NINL: variants seen among roughly 807,000 people sequenced by gnomAD.
The protein encoded by NINL is ninein-like protein.
A neutral mutation model predicts 160.3 loss-of-function variants in NINL; 153 were observed. The ratio of observed to expected loss-of-function variants is 0.95; its 90% CI spans 0.84 to 1.09. The LOEUF (loss-of-function observed/expected upper bound fraction) is 1.09, where lower values mean the gene tolerates loss of function less well. NINL is among the 50% of genes least tolerant of loss of function. The pLI is 0.00. For missense variants in NINL, 1,829 were observed against 1,764.0 expected, an observed-to-expected ratio of 1.04 and a Z score of -0.66; for synonymous variants, 800 against 734.8, an observed-to-expected ratio of 1.09 and a Z score of -1.43.
chr20:25,529,594 C>A (rs552643232), intron 1 of NINL, among the ~76,000 whole-genome samples: 156 of 152,190 alleles, frequency 1.0e-3, no homozygotes, highest in Non-Finnish European at 1.8e-3. Context: ...GAGATGGTAA[C>A]AATGAAAATG....
intron 1 of NINL, among the ~76,000 whole-genome samples, chr20:25,571,477 A>G (rs565872368): frequency 6.6e-6 from 1 of 152,318 alleles, no homozygotes; most frequent in South Asian, 2.1e-4. Flanking sequence ...CTGAGTACAC[A>G]GTGACAGGGC....
intron 19 of NINL, 181 bp from the exon 20 acceptor site, chr20:25,462,722 A>C: frequency 1.8e-6 from 1 of 552,898 alleles, no homozygotes; most frequent in Admixed American, 3.2e-5. Context: ...TGGCACATTC[A>C]TGGTTCACTG....
intron 2 of NINL, among the ~76,000 whole-genome samples, chr20:25,518,459 C>CTT (rs1301970935): frequency 3.3e-5 from 5 of 152,166 alleles, no homozygotes; most frequent in Middle Eastern, 3.2e-3. Context: ...AGCTTTTCAC[C>CTT]TTAAGGTCCA....
intron 7 of NINL, 92 bp from the exon 8 acceptor site, chr20:25,501,102 T>TCAGAGGGCCTCA: frequency 1.4e-6 from 2 of 1,462,760 alleles, no homozygotes; most frequent in Non-Finnish European, 1.8e-6. Context: ...CAGCCTGTGC[T>TCAGAGGGCCTCA]CAGAGGGCCT....
intron 1 of NINL, among the ~76,000 whole-genome samples, chr20:25,570,739 G>A (rs1328199314): frequency 9.5e-6 from 1 of 105,552 alleles, no homozygotes; most frequent in Admixed American, 1.6e-4. Flanking sequence ...TGCTCACTCT[G>A]TCACACAGGC....
intron 21 of NINL, 42 bp downstream of exon 21, chr20:25,461,480 G>A: frequency 1.7e-6 from 2 of 1,209,446 alleles, no homozygotes; most frequent in Middle Eastern, 2.1e-4. Context: ...CTGCTCCCAG[G>A]TGGGACTGGA....
Position 25,480,273 on chromosome 20 carries a change from A to G in NINL, c.1811-6T>C, listed in dbSNP as rs2063359829. ...ATTACCCAGGAATGAAATGCCTGCA[A>G]ACAAGAGGCCACTTCCGTTTGTCAC... On this transcript the variant is annotated splice_region_variant and splice_polypyrimidine_tract_variant and intron_variant, in intron 14 of 23. Transcript: ENST00000278886. 5 of 1,611,280 alleles carry G rather than the reference A, an allele frequency of 3.1e-6. No homozygotes were observed. Among genetic ancestry groups the G allele is most frequent in the Non-Finnish European group, 4.2e-6 (5 of 1,177,582 alleles).
At chr20:25,567,988 A>T (rs2147158624) in intron 1 of NINL, among the ~76,000 whole-genome samples, 1 of 152,140 alleles carries the variant, frequency 6.6e-6, no homozygotes, top group African/African-American at 2.4e-5. Flanking sequence ...GAAGGGCTTG[A>T]ATCAATAATT....
At chr20:25,468,055 C>T (rs1386974025) in intron 18 of NINL, among the ~76,000 whole-genome samples, 1 of 152,118 alleles carries the variant, frequency 6.6e-6, no homozygotes, top group South Asian at 2.1e-4. Flanking sequence ...ACTAAGCTCA[C>T]CTTGAGATGC....
intron 13 of NINL, among the ~76,000 whole-genome samples, chr20:25,483,385 C>T (rs918805817): frequency 6.6e-6 from 1 of 152,142 alleles, no homozygotes; most frequent in Non-Finnish European, 1.5e-5. Context: ...ATACTGTCAC[C>T]ACCAGAAACT....
intron 1 of NINL, among the ~76,000 whole-genome samples, chr20:25,581,566 A>G (rs187856656): frequency 2.0e-5 from 3 of 152,348 alleles, no homozygotes; most frequent in East Asian, 3.9e-4. Flanking sequence ...ACTTAAAAAG[A>G]GTCATTAGTG....
At chr20:25,545,397 G>A (rs980176428) in intron 1 of NINL, among the ~76,000 whole-genome samples, 2 of 152,126 alleles carry the variant, frequency 1.3e-5, no homozygotes, top group African/African-American at 4.8e-5. Context: ...GACTTAGACT[G>A]TAGACCTAAA....
chr20:25,462,290 G>A, intron 20 of NINL, 93 bp downstream of exon 20: 1 of 1,208,090 alleles, frequency 8.3e-7, no homozygotes, highest in Middle Eastern at 2.9e-4. Flanking sequence ...TTCCCTCCAG[G>A]CTCCTCAGCG....
chr20:25,530,837 C>T (rs1275510734), intron 1 of NINL, among the ~76,000 whole-genome samples: 1 of 152,170 alleles, frequency 6.6e-6, no homozygotes, highest in Non-Finnish European at 1.5e-5. Context: ...CACAGGACCA[C>T]AGGACTGGGA....
At chr20:25,483,556 G>C (rs1249448391) in intron 13 of NINL, among the ~76,000 whole-genome samples, 1 of 152,272 alleles carries the variant, frequency 6.6e-6, no homozygotes, top group Middle Eastern at 3.2e-3. Context: ...ATGCTGCAAA[G>C]CAGAGAACAT....
intron 8 of NINL, 141 bp downstream of exon 8, chr20:25,500,698 TG>T: frequency 1.4e-6 from 1 of 703,390 alleles, no homozygotes; most frequent in Non-Finnish European, 2.3e-6. Context: ...GGTTTCTACC[TG>T]GACTTCCTTG....
At chr20:25,513,200 G>A (rs2064106421) in intron 3 of NINL, among the ~76,000 whole-genome samples, 194 bp from the exon 4 acceptor site, 1 of 152,176 alleles carries the variant, frequency 6.6e-6, no homozygotes, top group Non-Finnish European at 1.5e-5. Context: ...CCTTGGGTGG[G>A]AGACTGAGAA....
intron 3 of NINL, among the ~76,000 whole-genome samples, chr20:25,514,872 G>A (rs557148576): frequency 9.2e-5 from 14 of 152,364 alleles, no homozygotes; most frequent in Middle Eastern, 3.4e-3. Context: ...CGGAGGGCAA[G>A]AGTTGAGGCT....
rs760120921 is a variant in NINL at position 25,476,916 on chromosome 20, C to T, written c.2375G>A (p.Ser792Asn). The T allele has an allele frequency of 3.7e-6, 6 of 1,612,596 alleles. No homozygotes were observed. In the African/African-American group the frequency reaches 6.7e-5, roughly 18 times the overall value. The change falls in exon 17 of 24, where the codon AGC (serine) becomes AAC (asparagine). Residue 792 changes from serine to asparagine, a missense_variant. By Grantham distance (46) the Ser-to-Asn change is conservative. Transcript: ENST00000278886. ...TACGCACATCTGGGCGCGCTTCTCG[C>T]TCGCACAGGGCTGCAGCTTCAGTGC... is the stretch of plus-strand genomic sequence containing the variant. ...ERALKLQPCA[S>N]EKRAQMCVSL...
Sources: allele counts gnomAD v4.1 joint callset (sites outside exome capture counted in the v4.1 genomes callset), GRCh38; gene constraint gnomAD v4.1.1; transcripts MANE v1.5; gene names NCBI Gene and HGNC (gene_info 2026-07-23, HGNC 2026-07-21).